COMMD1: variants seen among roughly 807,000 people sequenced by gnomAD.
The protein encoded by COMMD1 is COMM domain-containing protein 1.
COMMD1 carries 10 observed loss-of-function variants against 17.2 expected under a neutral mutation model. The observed-to-expected ratio is 0.58, with a 90% CI of 0.36 to 0.99. The LOEUF is 0.99. COMMD1 is among the 50% of genes least tolerant of loss of function. COMMD1 has a pLI of 0.01. For missense variants in COMMD1, 270 were observed against 231.8 expected (o/e 1.17, Z -1.07); for synonymous variants, 97 against 91.6 (o/e 1.06, Z -0.34).
intron 1 of COMMD1, among the ~76,000 whole-genome samples, chr2:61,928,475 A>T (rs961054886): frequency 6.6e-6 from 1 of 152,104 alleles, no homozygotes; most frequent in African/African-American, 2.4e-5. Context: ...GAGCTATTTA[A>T]TATCTATTTT....
chr2:62,049,229 C>A (rs1475480134), intron 2 of COMMD1, among the ~76,000 whole-genome samples: 1 of 150,966 alleles, frequency 6.6e-6, no homozygotes, highest in Non-Finnish European at 1.5e-5. Context: ...CTAGCCCTTG[C>A]TCTCCTGGAG....
chr2:62,042,423 G>A (rs1670244009), intron 2 of COMMD1, among the ~76,000 whole-genome samples: 1 of 152,172 alleles, frequency 6.6e-6, no homozygotes, highest in African/African-American at 2.4e-5. Context: ...ACCTCTCAAT[G>A]GCACTCTCCG....
chr2:61,990,370 A>G (rs1260637152), intron 1 of COMMD1, among the ~76,000 whole-genome samples: 1 of 152,206 alleles, frequency 6.6e-6, no homozygotes, highest in African/African-American at 2.4e-5. Flanking sequence ...AGATAATTAT[A>G]GTTTGACATA....
At chr2:61,962,534 C>T (rs1274619002) in intron 1 of COMMD1, among the ~76,000 whole-genome samples, 1 of 152,134 alleles carries the variant, frequency 6.6e-6, no homozygotes, top group Non-Finnish European at 1.5e-5. Flanking sequence ...ATCACCCTGA[C>T]CTCCGGGGAG....
chr2:61,940,747 G>C (rs1299964186), intron 1 of COMMD1, among the ~76,000 whole-genome samples: 2 of 151,168 alleles, frequency 1.3e-5, no homozygotes, highest in East Asian at 3.9e-4. Flanking sequence ...GCAGTGGCGC[G>C]AACTCCTCGG....
intron 2 of COMMD1, among the ~76,000 whole-genome samples, chr2:62,010,931 C>T (rs1004278912): frequency 3.3e-5 from 5 of 152,206 alleles, no homozygotes; most frequent in African/African-American, 1.2e-4. Flanking sequence ...TTCCAGTTCA[C>T]TCCAGTGGCT....
At chr2:62,053,694 A>C (rs2103923160) in intron 2 of COMMD1, among the ~76,000 whole-genome samples, 1 of 152,350 alleles carries the variant, frequency 6.6e-6, no homozygotes, top group East Asian at 1.9e-4. Flanking sequence ...CAGTGGCCAT[A>C]GAATACCACA....
intron 1 of COMMD1, among the ~76,000 whole-genome samples, chr2:61,908,591 C>T (rs181960056): frequency 1.3e-5 from 2 of 151,560 alleles, no homozygotes; most frequent in African/African-American, 2.4e-5. Flanking sequence ...AGACGAGTCT[C>T]GCTTTGTTGC....
chr2:62,042,241 C>G (rs1670234104), intron 2 of COMMD1, among the ~76,000 whole-genome samples: 1 of 152,194 alleles, frequency 6.6e-6, no homozygotes, highest in Non-Finnish European at 1.5e-5. Flanking sequence ...ATTAGCTAGA[C>G]ACAGAGTGCT....
intron 1 of COMMD1, among the ~76,000 whole-genome samples, chr2:61,989,527 A>G (rs1057420010): frequency 2.6e-5 from 4 of 151,500 alleles, no homozygotes; most frequent in Non-Finnish European, 4.4e-5. Context: ...CAGTTGCACA[A>G]TCTGGGCTCA....
chr2:62,047,645 G>T (rs1670417248), intron 2 of COMMD1, among the ~76,000 whole-genome samples: 1 of 151,924 alleles, frequency 6.6e-6, no homozygotes, highest in Non-Finnish European at 1.5e-5. Flanking sequence ...AGGAGAGATG[G>T]GGTTTCACTG....
chr2:61,999,034 T>G (rs1668847577), intron 1 of COMMD1, among the ~76,000 whole-genome samples: 1 of 152,226 alleles, frequency 6.6e-6, no homozygotes, highest in African/African-American at 2.4e-5. Context: ...TATGAGAATT[T>G]TCAAAATGTG....
intron 1 of COMMD1, among the ~76,000 whole-genome samples, chr2:61,964,652 G>T (rs908984882): frequency 5.3e-5 from 8 of 151,986 alleles, no homozygotes; most frequent in Non-Finnish European, 1.0e-4. Context: ...GACCAACATG[G>T]TGAAACCCCG....
chr2:62,104,049 C>G (rs545801130), intron 2 of COMMD1, among the ~76,000 whole-genome samples: 1 of 152,066 alleles, frequency 6.6e-6, no homozygotes, highest in Non-Finnish European at 1.5e-5. Context: ...CTTTGTTGCC[C>G]AGGCTGGTCT....
In COMMD1 at chr2:62,064,766, T is replaced by C. The variant is rs1670978917; in HGVS notation, c.462+63784T>C. 2.0e-5 allele frequency among the ~76,000 whole-genome samples: 3 copies of C among 152,214 alleles called. No individual in the cohort carries two copies. In the South Asian group the frequency reaches 6.2e-4, roughly 31 times the overall value. ...AGCCATTTATTTCAAAAGAGGTATT[T>C]ATTTATCTAACCTTTCTAAATTTTT... is the stretch of plus-strand genomic sequence containing the variant. On this transcript the variant is annotated intron_variant, in intron 2 of 2. Coordinates refer to ENST00000311832, the MANE Select transcript of COMMD1 (RefSeq NM_152516.4).
chr2:61,989,567 A>G (rs1047683668), intron 1 of COMMD1, among the ~76,000 whole-genome samples: 14 of 151,516 alleles, frequency 9.2e-5, no homozygotes, highest in South Asian at 2.1e-4. Flanking sequence ...GGTTCAAGCA[A>G]TTCTGCCTCA....
At chr2:62,085,950 C>T (rs1366364024) in intron 2 of COMMD1, among the ~76,000 whole-genome samples, 1 of 151,870 alleles carries the variant, frequency 6.6e-6, no homozygotes, top group Non-Finnish European at 1.5e-5. Flanking sequence ...TGCACTCCAG[C>T]CTGGGCGACA....
At chr2:61,969,095 A>T (rs539715597) in intron 1 of COMMD1, 1 of 413,926 alleles carries the variant, frequency 2.4e-6, no homozygotes, top group South Asian at 1.7e-5. Context: ...AGCAGCTGGG[A>T]CTACAGGTGC....
At chr2:61,918,519 T>A (rs904091618) in intron 1 of COMMD1, 1 of 152,230 alleles carries the variant, frequency 6.6e-6, no homozygotes, top group African/African-American at 2.4e-5. Context: ...TTTTTCTTAG[T>A]TTAGGGCAAA....
Sources: allele counts gnomAD v4.1 joint callset (sites outside exome capture counted in the v4.1 genomes callset), GRCh38; gene constraint gnomAD v4.1.1; transcripts MANE v1.5; gene names NCBI Gene and HGNC (gene_info 2026-07-23, HGNC 2026-07-21).